Variants in FADS2 observed in about 807,000 individuals in gnomAD.
FADS2 encodes acyl-CoA 6-desaturase.
A neutral mutation model predicts 61.2 loss-of-function variants in FADS2; 18 were observed. The ratio of observed to expected loss-of-function variants is 0.29; its 90% confidence interval spans 0.20 to 0.44. FADS2 has a LOEUF of 0.44. FADS2 is among the 20% of genes least tolerant of loss of function. The pLI is 1.00. For synonymous variants in FADS2, 203 were observed against 223.9 expected, an observed-to-expected ratio of 0.91 and a Z score of 0.83; for missense variants, 322 against 572.7, an observed-to-expected ratio of 0.56 and a Z score of 4.47.
chr11:61,821,675 T>G (rs1313664007), intron 1 of FADS2, among the ~76,000 whole-genome samples: 2 of 152,236 alleles, frequency 1.3e-5, no homozygotes, highest in Admixed American at 6.5e-5. Context: ...TGAAATTGGA[T>G]AACTTATGGG....
Position 61,856,812 on chromosome 11 carries a change from C to T in FADS2, c.745-199C>T, listed in dbSNP as rs60375030. On this transcript the variant is annotated intron_variant, in intron 5 of 11. Coordinates refer to ENST00000278840, the MANE Select transcript of FADS2 (RefSeq NM_004265.4). ...CGGCTAGGGCTGAGGAAGCGTTGGC[C>T]GCTGCTGGCTGTAGCATGGGGAGCC... 4.2e-3 allele frequency: 2,500 copies of T among 591,176 alleles called. 39 individuals are homozygous for T. Among genetic ancestry groups the T allele is most frequent in the African/African-American group, 0.035 (1,878 of 53,936 alleles). 36.6% of individuals were successfully genotyped at this position (591,176 alleles called of 1,614,324 possible).
intron 1 of FADS2, among the ~76,000 whole-genome samples, chr11:61,834,213 C>T (rs2067152031): frequency 6.6e-6 from 1 of 152,186 alleles, no homozygotes; most frequent in African/African-American, 2.4e-5. Context: ...CCGCACCAGG[C>T]CTGCTCGGAA....
At chr11:61,863,640 C>T in intron 9 of FADS2, 67 bp from the exon 10 acceptor site, 1 of 1,389,834 alleles carries the variant, frequency 7.2e-7, no homozygotes, top group Non-Finnish European at 1.0e-6. Context: ...AGGCTGGGCC[C>T]CCTGGGAATG....
chr11:61,840,520 G>A lies in FADS2; in HGVS notation c.505G>A (p.Ala169Thr). 1 of 1,614,162 alleles carries A rather than the reference G, an allele frequency of 6.2e-7. No homozygotes were observed. The highest frequency in any genetic ancestry group is 8.5e-7 in the Non-Finnish European group (1 of 1,180,038). The change falls in exon 3 of 12, where the codon GCT (alanine) becomes ACT (threonine). Residue 169 changes from alanine to threonine, a missense_variant. Transcript: ENST00000278840. ...TACCCTCATCACGGCCTTTGTCCTT[G>A]CTACCTCTCAGGTGAGGCGTGACAC... Reference protein sequence around the residue: ...IPTLITAFVLATSQAQAGWLQ... With the variant: ...IPTLITAFVLTTSQAQAGWLQ...
chr11:61,848,070 C>A, intron 4 of FADS2, 89 bp from the exon 5 acceptor site: 3 of 1,546,318 alleles, frequency 1.9e-6, no homozygotes, highest in Non-Finnish European at 2.7e-6. Context: ...TTGAAGGTTC[C>A]GGGAACTGCT....
intron 1 of FADS2, among the ~76,000 whole-genome samples, chr11:61,835,542 T>C (rs2067166135): frequency 6.6e-6 from 1 of 151,400 alleles, no homozygotes; most frequent in African/African-American, 2.4e-5. Context: ...TACGGGCGTG[T>C]GCCACCACAC....
chr11:61,831,959 C>T (rs927641132), intron 1 of FADS2, among the ~76,000 whole-genome samples: 10 of 152,190 alleles, frequency 6.6e-5, no homozygotes, highest in Admixed American at 3.9e-4. Context: ...TCATCTTCAG[C>T]GACAATTCAT....
upstream of FADS2, among the ~76,000 whole-genome samples, chr11:61,824,975 G>A (rs936137557): frequency 3.4e-5 from 5 of 148,762 alleles, no homozygotes; most frequent in Non-Finnish European, 4.5e-5. Flanking sequence ...GGCAGATCAC[G>A]AGGTCAGAAG....
At chr11:61,825,984 C>T (rs1055913235), upstream of FADS2, 7 of 679,970 alleles carry the variant, frequency 1.0e-5, no homozygotes, top group African/African-American at 1.1e-4. Flanking sequence ...CTCCCCTCCC[C>T]TCTCCTCGAG....
At position 61,848,411 on chromosome 11, in the gene FADS2, G is replaced by A. The variant is rs534536802; in HGVS notation, c.744+127G>A. 8 of 1,491,956 alleles carry A rather than the reference G, an allele frequency of 5.4e-6. No individual in the cohort carries two copies. The East Asian group carries it at 6.9e-5, about 13-fold the overall frequency. 92.4% of individuals were successfully genotyped at this position (1,491,956 alleles called of 1,614,324 possible). ...TTGGCCTGGGCGAATGGCAGCCATC[G>A]AGGTACGACTAAGGGGTTGGTGTTG... On this transcript the variant is annotated intron_variant, in intron 5 of 11. Coordinates refer to ENST00000278840, the MANE Select transcript of FADS2 (RefSeq NM_004265.4).
At chr11:61,825,953 A>G, upstream of FADS2, 1 of 644,022 alleles carries the variant, frequency 1.6e-6, no homozygotes, top group African/African-American at 1.8e-5. Context: ...CAGCCCCCTA[A>G]AGTTCTCTCT....
intron 1 of FADS2, among the ~76,000 whole-genome samples, chr11:61,832,816 G>A (rs1353621361): frequency 3.3e-5 from 5 of 152,234 alleles, no homozygotes; most frequent in Admixed American, 2.0e-4. Flanking sequence ...CTGGTCCGCA[G>A]GGCTGCCACC....
At chr11:61,825,948 C>A (rs1386209097), upstream of FADS2, 1 of 640,358 alleles carries the variant, frequency 1.6e-6, no homozygotes, top group Admixed American at 2.3e-5. Flanking sequence ...GGGGTCAGCC[C>A]CCTAAAGTTC....
At chr11:61,820,717 C>A (rs893974773) in intron 1 of FADS2, among the ~76,000 whole-genome samples, 4 of 151,848 alleles carry the variant, frequency 2.6e-5, no homozygotes, top group Non-Finnish European at 5.9e-5. Context: ...TTGGCCAACA[C>A]GGTGAAACCC....
At chr11:61,824,523 G>GAA (rs57668028), upstream of FADS2, among the ~76,000 whole-genome samples, 9 of 87,576 alleles carry the variant, frequency 1.0e-4, 1 homozygote, top group East Asian at 1.5e-3. Context: ...AAGAAAGAAA[G>GAA]AAAGAAAAAT....
Position 61,816,374 on chromosome 11 carries a change from C to G in FADS2, c.89C>G (p.Ser30Cys). Reference sequence around the variant, plus strand: ...CCCCAGACTCCACTTCTCCAGGCCTCTCTCCCGCCTTTTCATCCCGCATCC... The same window carrying G: ...CCCCAGACTCCACTTCTCCAGGCCTGTCTCCCGCCTTTTCATCCCGCATCC... The change falls in exon 1 of 12, where the codon TCT becomes TGT. Residue 30 changes from serine to cysteine, a missense_variant. Coordinates refer to the FADS2 transcript ENST00000257261. The surrounding 1 kb of genome is among the most constrained non-coding windows in gnomAD (Gnocchi z 7.0). 6.3e-7 allele frequency: 1 copy of G among 1,598,502 alleles called. No homozygotes were observed. Among genetic ancestry groups the G allele is most frequent in the Non-Finnish European group, 8.5e-7 (1 of 1,179,812 alleles).
intron 5 of FADS2, 150 bp downstream of exon 5, chr11:61,848,434 T>G: frequency 2.8e-6 from 4 of 1,406,400 alleles, no homozygotes; most frequent in Non-Finnish European, 4.0e-6. Flanking sequence ...GGGGTTGGTG[T>G]TGACCTAGGA....
Position 61,819,741 on chromosome 11 carries a change from G to GT in FADS2, c.141+3319dup, listed in dbSNP as rs1246364990. Reference sequence around the variant, plus strand: ...AATCTTTTATTTTATTATACTTTAAGTTTTAAGGTACATATGCACAACATG... The same window carrying GT: ...AATCTTTTATTTTATTATACTTTAAGTTTTTAAGGTACATATGCACAACATG... On this transcript the variant is annotated intron_variant, in intron 1 of 11. Coordinates refer to the FADS2 transcript ENST00000257261. 1.1e-4 allele frequency among the ~76,000 whole-genome samples: 16 copies of GT among 152,144 alleles called. No individual in the cohort carries two copies. The East Asian group carries it at 3.1e-3, about 29-fold the overall frequency.
chr11:61,866,234 G>A lies in FADS2; in HGVS notation c.*545G>A. On this transcript the variant is annotated 3_prime_UTR_variant, in exon 12 of 12. Transcript: ENST00000278840. Reference sequence around the variant, plus strand: ...AGGCCTGCTTTGTTACAAAGCTCGGGTCTCCCTCCTGCAGCTCGGTTAAGT... The same window carrying A: ...AGGCCTGCTTTGTTACAAAGCTCGGATCTCCCTCCTGCAGCTCGGTTAAGT... 2.6e-6 allele frequency: 1 copy of A among 384,632 alleles called. No homozygotes were observed. Among genetic ancestry groups the A allele is most frequent in the Non-Finnish European group, 4.6e-6 (1 of 217,726 alleles). 23.8% of individuals were successfully genotyped at this position (384,632 alleles called of 1,614,324 possible).
Sources: gnomAD v4.1 joint callset for allele counts (sites outside exome capture counted in the v4.1 genomes callset) on GRCh38, gnomAD v4.1.1 for gene constraint, Gnocchi (gnomAD v3.1) non-coding constraint, MANE v1.5 for transcripts, NCBI Gene and HGNC (gene_info 2026-07-23, HGNC 2026-07-21) for gene names.